DLGAP2: variants seen among roughly 807,000 people sequenced by gnomAD.
The protein encoded by DLGAP2 is disks large-associated protein 2.
DLGAP2 carries 26 observed loss-of-function variants against 100.3 expected under a neutral mutation model. The observed-to-expected ratio is 0.26, with a 90% CI of 0.19 to 0.36. The LOEUF (loss-of-function observed/expected upper bound fraction) is 0.36, where lower values mean the gene tolerates loss of function less well. DLGAP2 is among the 10% of genes least tolerant of loss of function. The probability of loss-of-function intolerance (pLI) is 1.00; values close to 1 mark genes in which losing one functional copy is unlikely to be tolerated. For synonymous variants in DLGAP2, 886 were observed against 630.1 expected (o/e 1.41, Z -6.08); for missense variants, 1,858 against 1,453.2 (o/e 1.28, Z -4.53).
At chr8:1,437,223 C>G (rs1473065920) in intron 3 of DLGAP2, among the ~76,000 whole-genome samples, 2 of 151,688 alleles carry the variant, frequency 1.3e-5, no homozygotes, top group Admixed American at 6.6e-5. Flanking sequence ...GTGACGCCAT[C>G]CGGGTCTGCG....
chr8:1,055,311 A>T (rs988257329), intron 2 of DLGAP2, among the ~76,000 whole-genome samples: 2 of 152,216 alleles, frequency 1.3e-5, no homozygotes, highest in Non-Finnish European at 2.9e-5. Context: ...CAACTTATCA[A>T]ACTAGCAAAT....
intron 3 of DLGAP2, among the ~76,000 whole-genome samples, chr8:1,371,984 C>G (rs1229167305): frequency 1.3e-5 from 2 of 152,232 alleles, no homozygotes; most frequent in Non-Finnish European, 2.9e-5. Context: ...TGAACATAGA[C>G]TTGGCATTTC....
chr8:1,454,867 C>G lies in DLGAP2; in HGVS notation c.107-46499C>G, dbSNP rs768535620. On this transcript the variant is annotated intron_variant, in intron 3 of 14. Coordinates refer to ENST00000637795, the MANE Select transcript of DLGAP2 (RefSeq NM_001346810.2). ...ATGGAAGGTTAGGGCCTTTGGTGGT[C>G]CTGTGGCCCACCCTCCCGTCATGCA... 9.9e-5 allele frequency among the ~76,000 whole-genome samples: 15 copies of G among 152,146 alleles called. 1 individual carries two copies. Among genetic ancestry groups the G allele is most frequent in the South Asian group, 2.1e-4 (1 of 4,812 alleles).
intron 8 of DLGAP2, among the ~76,000 whole-genome samples, chr8:1,653,661 G>A (rs6992348): frequency 0.028 from 1,922 of 68,770 alleles, 49 homozygotes; most frequent in African/African-American, 0.092. Context: ...GTGGATTCCT[G>A]TATTTGCTTG....
intron 8 of DLGAP2, among the ~76,000 whole-genome samples, chr8:1,652,628 G>A (rs191595992): frequency 1.3e-5 from 2 of 152,238 alleles, no homozygotes; most frequent in East Asian, 1.9e-4. Flanking sequence ...TAGGCGGTCC[G>A]TAGATTTTTG....
At chr8:966,215 G>C (rs1039655370) in intron 2 of DLGAP2, among the ~76,000 whole-genome samples, 1 of 152,214 alleles carries the variant, frequency 6.6e-6, no homozygotes, top group Non-Finnish European at 1.5e-5. Context: ...TTGAGTTTCA[G>C]CGATTGTTCC....
intron 4 of DLGAP2, among the ~76,000 whole-genome samples, chr8:1,538,156 C>T (rs1171335304): frequency 6.6e-6 from 1 of 152,206 alleles, no homozygotes; most frequent in Non-Finnish European, 1.5e-5. Flanking sequence ...GTCCTCCCTG[C>T]ATTCCCTGCC....
intron 3 of DLGAP2, among the ~76,000 whole-genome samples, chr8:1,408,239 C>A (rs1208173983): frequency 6.6e-6 from 1 of 152,250 alleles, no homozygotes. Flanking sequence ...CTGTCCAACT[C>A]ATTCTCCACT....
chr8:893,712 T>G (rs1364588854), intron 1 of DLGAP2, among the ~76,000 whole-genome samples: 1 of 152,248 alleles, frequency 6.6e-6, no homozygotes, highest in East Asian at 1.9e-4. Flanking sequence ...TCCAGGACTC[T>G]GTTAACCGTC....
chr8:979,702 C>A (rs1313442364), intron 2 of DLGAP2, among the ~76,000 whole-genome samples: 2 of 152,202 alleles, frequency 1.3e-5, no homozygotes, highest in Non-Finnish European at 2.9e-5. Flanking sequence ...TGGCTATCCA[C>A]CCAAAATGAC....
At chr8:1,569,923 G>A (rs1442055517) in intron 6 of DLGAP2, among the ~76,000 whole-genome samples, 1 of 152,156 alleles carries the variant, frequency 6.6e-6, no homozygotes, top group Admixed American at 6.5e-5. Flanking sequence ...GCTCTGTGGA[G>A]GGCAGGGTAG....
intron 12 of DLGAP2, among the ~76,000 whole-genome samples, chr8:1,685,881 C>T (rs545808639): frequency 6.6e-6 from 1 of 152,294 alleles, no homozygotes; most frequent in African/African-American, 2.4e-5. Context: ...TGAGATGTCA[C>T]CTCATCCCAG....
At chr8:1,444,792 T>C (rs1797937017) in intron 3 of DLGAP2, among the ~76,000 whole-genome samples, 1 of 147,952 alleles carries the variant, frequency 6.8e-6, no homozygotes, top group East Asian at 2.0e-4. Context: ...TTTTTTTTTT[T>C]TTTTGAGACG....
At chr8:740,302 A>G (rs1042860590) in intron 1 of DLGAP2, 1 of 152,242 alleles carries the variant, frequency 6.6e-6, no homozygotes, top group Admixed American at 6.5e-5. Flanking sequence ...TTATTCTTCG[A>G]AAGAACTTTG....
intron 4 of DLGAP2, among the ~76,000 whole-genome samples, chr8:1,511,592 C>G (rs940723625): frequency 1.3e-5 from 2 of 151,506 alleles, no homozygotes; most frequent in Non-Finnish European, 2.9e-5. Context: ...CAATAGATGA[C>G]CATCTTCCAT....
At chr8:1,529,094 G>A (rs1007023630) in intron 4 of DLGAP2, among the ~76,000 whole-genome samples, 2 of 152,172 alleles carry the variant, frequency 1.3e-5, no homozygotes, top group South Asian at 2.1e-4. Flanking sequence ...ATTTATAAAG[G>A]AAAGAGGTTT....
At chr8:947,710 C>T (rs1799364095) in intron 2 of DLGAP2, among the ~76,000 whole-genome samples, 1 of 152,218 alleles carries the variant, frequency 6.6e-6, no homozygotes, top group Non-Finnish European at 1.5e-5. Flanking sequence ...GGGAAGGGCT[C>T]TGCCAAGAGA....
chr8:1,498,601 C>T (rs781659397), intron 3 of DLGAP2, among the ~76,000 whole-genome samples: 4 of 152,286 alleles, frequency 2.6e-5, no homozygotes, highest in South Asian at 4.1e-4. Context: ...CTCACTGTGT[C>T]TGTGCAGCCG....
chr8:1,270,140 A>G (rs1311448373), intron 3 of DLGAP2, among the ~76,000 whole-genome samples: 1 of 152,116 alleles, frequency 6.6e-6, no homozygotes, highest in Non-Finnish European at 1.5e-5. Flanking sequence ...TTTGATTTTT[A>G]AAAACCAGGT....
Sources: allele counts gnomAD v4.1 joint callset (sites outside exome capture counted in the v4.1 genomes callset), GRCh38; gene constraint gnomAD v4.1.1; transcripts MANE v1.5; gene names NCBI Gene and HGNC (gene_info 2026-07-23, HGNC 2026-07-21).